PEAK1: variants seen among roughly 807,000 people sequenced by gnomAD.
PEAK1 encodes inactive tyrosine-protein kinase PEAK1.
In PEAK1, 54 loss-of-function variants were observed where a neutral mutation model predicts 124.7. The observed-to-expected ratio is 0.43, with a 90% confidence interval of 0.35 to 0.54. The LOEUF (loss-of-function observed/expected upper bound fraction) is 0.54, where lower values mean the gene tolerates loss of function less well. Ranked by LOEUF, PEAK1 falls within the 20% of genes least tolerant of loss-of-function variation. The pLI, the probability that PEAK1 is intolerant of heterozygous loss-of-function variation, is 0.01. For missense variants in PEAK1, 2,046 were observed against 2,134.5 expected (o/e 0.96, Z 0.82); for synonymous variants, 719 against 760.0 (o/e 0.95, Z 0.89).
chr15:77,371,908 A>G (rs2068669932), intron 1 of PEAK1, among the ~76,000 whole-genome samples: 1 of 152,230 alleles, frequency 6.6e-6, no homozygotes, highest in African/African-American at 2.4e-5. Context: ...AACTAAAAAC[A>G]AAACAGAAAA....
At chr15:77,272,866 A>G (rs2062110264) in intron 5 of PEAK1, among the ~76,000 whole-genome samples, 2 of 152,210 alleles carry the variant, frequency 1.3e-5, no homozygotes, top group Admixed American at 6.5e-5. Context: ...TCCTTAACAA[A>G]ATACTAGCTA....
chr15:77,357,168 G>T (rs1330788542), intron 2 of PEAK1, among the ~76,000 whole-genome samples: 1 of 152,270 alleles, frequency 6.6e-6, no homozygotes, highest in African/African-American at 2.4e-5. Context: ...TTACTTGGGA[G>T]GTGAAGTGGG....
At chr15:77,236,064 G>A (rs2060107790) in intron 6 of PEAK1, among the ~76,000 whole-genome samples, 1 of 152,230 alleles carries the variant, frequency 6.6e-6, no homozygotes, top group Admixed American at 6.5e-5. Context: ...GAGTCCTCAT[G>A]AAGAACCTCT....
chr15:77,153,951 T>C (rs1424521183), intron 8 of PEAK1, among the ~76,000 whole-genome samples: 1 of 152,112 alleles, frequency 6.6e-6, no homozygotes, highest in East Asian at 1.9e-4. Flanking sequence ...CTGAAAAAAA[T>C]GTATATTCTG....
intron 6 of PEAK1, among the ~76,000 whole-genome samples, chr15:77,235,196 G>T (rs915971354): frequency 6.6e-6 from 1 of 151,898 alleles, no homozygotes; most frequent in Non-Finnish European, 1.5e-5. Context: ...CAATAAATTG[G>T]TACCAAGGTC....
At position 77,181,169 on chromosome 15, in the gene PEAK1, T is replaced by C. The variant is rs761994265; in HGVS notation, c.758A>G (p.Asp253Gly). 1 of 1,614,156 alleles carries C rather than the reference T, an allele frequency of 6.2e-7. No individual in the cohort carries two copies. Among genetic ancestry groups the C allele is most frequent in the Admixed American group, 1.7e-5 (1 of 60,026 alleles). The change falls in exon 7 of 10, where the codon GAT (aspartate) becomes GGT (glycine). Residue 253 changes from aspartate to glycine, a missense_variant. Asp to Gly is a moderately conservative substitution (Grantham distance 94). Transcript: ENST00000682557. Reference protein sequence around the residue: ...SNMEEEHESWDESDEELLAME... With the variant: ...SNMEEEHESWGESDEELLAME... ...GGCCAACAGCTCTTCATCACTCTCA[T>C]CCCAACTCTCGTGCTCCTCCTCCAT... is the stretch of plus-strand genomic sequence containing the variant.
intron 6 of PEAK1, among the ~76,000 whole-genome samples, chr15:77,243,728 G>C (rs1427625671): frequency 6.6e-6 from 1 of 152,106 alleles, no homozygotes; most frequent in Non-Finnish European, 1.5e-5. Context: ...CCAGCACTTT[G>C]GGAGGCTGAG....
At chr15:77,211,381 T>C (rs2058896862) in intron 6 of PEAK1, among the ~76,000 whole-genome samples, 1 of 152,174 alleles carries the variant, frequency 6.6e-6, no homozygotes, top group South Asian at 2.1e-4. Flanking sequence ...CATATAATAT[T>C]AAACATGGAT....
intron 2 of PEAK1, chr15:77,334,995 G>T: frequency 1.0e-6 from 1 of 985,404 alleles, no homozygotes; most frequent in African/African-American, 1.7e-5. Context: ...ATCTGAACAG[G>T]GTTTGAGGCA....
At chr15:77,174,081 GC>G (rs1383892699) in intron 7 of PEAK1, among the ~76,000 whole-genome samples, 2 of 152,170 alleles carry the variant, frequency 1.3e-5, no homozygotes, top group African/African-American at 4.8e-5. Flanking sequence ...TTCAACCCAA[GC>G]CCGTTATTTC....
chr15:77,195,090 T>C (rs893858729), intron 6 of PEAK1, among the ~76,000 whole-genome samples: 4 of 151,974 alleles, frequency 2.6e-5, no homozygotes, highest in Non-Finnish European at 5.9e-5. Flanking sequence ...ATAAAATAAT[T>C]ACTCTTTATA....
intron 1 of PEAK1, among the ~76,000 whole-genome samples, chr15:77,394,859 CA>C (rs2070761285): frequency 6.6e-6 from 1 of 152,152 alleles, no homozygotes; most frequent in Admixed American, 6.5e-5. Context: ...ACATATAATT[CA>C]AAATAGCTGT....
At chr15:77,322,313 C>A (rs944677396) in intron 2 of PEAK1, among the ~76,000 whole-genome samples, 11 of 152,066 alleles carry the variant, frequency 7.2e-5, no homozygotes, top group African/African-American at 2.4e-4. Flanking sequence ...ACACAAAAAA[C>A]CCTTCAAAAA....
intron 5 of PEAK1, among the ~76,000 whole-genome samples, chr15:77,281,216 T>C (rs1268909225): frequency 1.3e-5 from 2 of 152,230 alleles, no homozygotes; most frequent in Non-Finnish European, 2.9e-5. Flanking sequence ...CTATATTTGC[T>C]GTAAAAAAGT....
chr15:77,375,891 C>T (rs567406198), intron 1 of PEAK1, among the ~76,000 whole-genome samples: 1 of 151,972 alleles, frequency 6.6e-6, no homozygotes, highest in East Asian at 1.9e-4. Context: ...CCCAGCTACT[C>T]GGGAGGCTGA....
At chr15:77,393,174 T>C (rs1256605293) in intron 1 of PEAK1, among the ~76,000 whole-genome samples, 3 of 152,166 alleles carry the variant, frequency 2.0e-5, no homozygotes. Context: ...GGGTTCTAAA[T>C]AAACTTGAAA....
At chr15:77,279,843 A>G (rs1485146584) in intron 5 of PEAK1, among the ~76,000 whole-genome samples, 1 of 152,090 alleles carries the variant, frequency 6.6e-6, no homozygotes, top group Non-Finnish European at 1.5e-5. Flanking sequence ...TTTAGCTAGG[A>G]AAAAAAATTC....
intron 6 of PEAK1, among the ~76,000 whole-genome samples, chr15:77,207,217 T>C (rs2058702361): frequency 3.3e-5 from 5 of 152,336 alleles, no homozygotes; most frequent in African/African-American, 2.4e-5. Flanking sequence ...AAGGACTTCA[T>C]GTCTAAAACA....
intron 2 of PEAK1, among the ~76,000 whole-genome samples, chr15:77,293,505 C>A (rs1021371921): frequency 3.3e-5 from 5 of 152,192 alleles, no homozygotes; most frequent in South Asian, 2.1e-4. Context: ...ACTAGAAATG[C>A]TCTTTCCATT....
Sources: allele counts gnomAD v4.1 joint callset (sites outside exome capture counted in the v4.1 genomes callset), GRCh38; gene constraint gnomAD v4.1.1; transcripts MANE v1.5; gene names NCBI Gene and HGNC (gene_info 2026-07-23, HGNC 2026-07-21).